RAD51B: variants seen among roughly 807,000 people sequenced by gnomAD.
RAD51B encodes the protein DNA repair protein RAD51 homolog 2.
A neutral mutation model predicts 42.2 loss-of-function variants in RAD51B; 38 were observed. The observed-to-expected ratio is 0.90, with a 90% CI of 0.70 to 1.18. The LOEUF is 1.18. Ranked by LOEUF, RAD51B falls within the 50% of genes most tolerant of loss-of-function variation. RAD51B has a pLI of 0.00. For synonymous variants in RAD51B, 154 were observed against 145.2 expected (o/e 1.06, Z -0.43); for missense variants, 373 against 400.7 (o/e 0.93, Z 0.59).
At chr14:68,160,420 T>C (rs1299963524) in intron 7 of RAD51B, among the ~76,000 whole-genome samples, 2 of 152,204 alleles carry the variant, frequency 1.3e-5, no homozygotes, top group East Asian at 3.8e-4. Flanking sequence ...GTCAGGTCTT[T>C]GATGCTATTT....
chr14:67,965,493 A>T (rs776819179), intron 7 of RAD51B, among the ~76,000 whole-genome samples: 14 of 152,140 alleles, frequency 9.2e-5, no homozygotes, highest in Non-Finnish European at 1.8e-4. Flanking sequence ...TTCTAATCAT[A>T]TCACTCTCTG....
At chr14:68,231,715 G>C (rs1231713020) in intron 7 of RAD51B, among the ~76,000 whole-genome samples, 1 of 152,206 alleles carries the variant, frequency 6.6e-6, no homozygotes, top group Non-Finnish European at 1.5e-5. Context: ...AATGAATGGA[G>C]AAGGACTTGG....
chr14:67,949,782 A>G (rs2074408878), intron 7 of RAD51B, among the ~76,000 whole-genome samples: 1 of 152,186 alleles, frequency 6.6e-6, no homozygotes, highest in Admixed American at 6.5e-5. Context: ...TCCTTGATCC[A>G]TGGGCTGCAG....
At chr14:68,463,791 CTTGT>C (rs1490445985) in intron 9 of RAD51B, among the ~76,000 whole-genome samples, 1 of 152,176 alleles carries the variant, frequency 6.6e-6, no homozygotes, top group Admixed American at 6.5e-5. Context: ...TAACCACCTT[CTTGT>C]TTGTCATTTT....
intron 8 of RAD51B, among the ~76,000 whole-genome samples, chr14:68,333,478 T>C (rs927644082): frequency 1.3e-5 from 2 of 152,218 alleles, no homozygotes; most frequent in African/African-American, 4.8e-5. Flanking sequence ...AAGAACTATC[T>C]GGCAGCCTCT....
chr14:68,562,658 G>C, intron 10 of RAD51B: 1 of 985,438 alleles, frequency 1.0e-6, no homozygotes, highest in Non-Finnish European at 1.2e-6. Context: ...AAGCAAATGA[G>C]AGTTGCTATA....
intron 8 of RAD51B, among the ~76,000 whole-genome samples, chr14:68,380,536 A>T (rs2083459304): frequency 6.6e-6 from 1 of 152,220 alleles, no homozygotes; most frequent in Non-Finnish European, 1.5e-5. Flanking sequence ...GTATTTAATC[A>T]TATTATAATT....
Position 68,009,959 on chromosome 14 carries a change from T to A in RAD51B, c.756+122755T>A, listed in dbSNP as rs908449228. Among the ~76,000 whole-genome samples the A allele has an allele frequency of 5.9e-5, 9 of 152,034 alleles. 1 individual carries two copies. The South Asian group carries it at 1.0e-3, about 17-fold the overall frequency. On this transcript the variant is annotated intron_variant, in intron 7 of 10. Transcript: ENST00000471583. ...AGGCTCCTTCAACCTATTCATTTGT[T>A]TCTATGCTTATTTCCACTTCTTTTT...
intron 7 of RAD51B, among the ~76,000 whole-genome samples, chr14:68,025,146 T>C (rs1415635951): frequency 6.6e-6 from 1 of 152,170 alleles, no homozygotes; most frequent in Non-Finnish European, 1.5e-5. Context: ...TGAATCACAT[T>C]GATTGATTTG....
At chr14:68,449,954 G>A (rs191359441) in intron 9 of RAD51B, among the ~76,000 whole-genome samples, 1 of 152,154 alleles carries the variant, frequency 6.6e-6, no homozygotes, top group Non-Finnish European at 1.5e-5. Flanking sequence ...ATAGTAATTA[G>A]GCAGAGCTCT....
At chr14:68,221,340 G>C (rs553741396) in intron 7 of RAD51B, among the ~76,000 whole-genome samples, 5 of 152,036 alleles carry the variant, frequency 3.3e-5, no homozygotes, top group Non-Finnish European at 7.4e-5. Flanking sequence ...TATAAAAATA[G>C]ACACATAGAC....
intron 7 of RAD51B, among the ~76,000 whole-genome samples, chr14:67,994,069 G>A (rs1011943071): frequency 1.3e-5 from 2 of 151,910 alleles, no homozygotes; most frequent in African/African-American, 4.8e-5. Context: ...TGAATGCTGA[G>A]GTAGAATTTG....
In RAD51B at chr14:67,873,040, A is replaced by G. The variant is rs2042596361; in HGVS notation, c.452+7901A>G. 2.0e-5 allele frequency among the ~76,000 whole-genome samples: 3 copies of G among 152,246 alleles called. No individual in the cohort carries two copies. In the South Asian group the frequency reaches 6.2e-4, roughly 31 times the overall value. On this transcript the variant is annotated intron_variant, in intron 5 of 10. Coordinates refer to ENST00000471583, the MANE Select transcript of RAD51B (RefSeq NM_133510.4). ...GGACATAGGCATGGGCAAGGACTTC[A>G]TGTCTAAAACACTTAAAGCAATGGC...
chr14:67,996,409 CAAT>C (rs1251041237), intron 7 of RAD51B, among the ~76,000 whole-genome samples: 1 of 140,490 alleles, frequency 7.1e-6, no homozygotes, highest in South Asian at 2.3e-4. Flanking sequence ...AAAATAACAA[CAAT>C]AATAAATAAA....
At chr14:68,235,176 C>G (rs907644040) in intron 7 of RAD51B, among the ~76,000 whole-genome samples, 4 of 151,876 alleles carry the variant, frequency 2.6e-5, no homozygotes, top group African/African-American at 9.7e-5. Flanking sequence ...ATATGACTAA[C>G]AATACAGTAG....
intron 10 of RAD51B, among the ~76,000 whole-genome samples, chr14:68,636,230 A>T (rs1054350590): frequency 5.9e-5 from 9 of 152,194 alleles, no homozygotes; most frequent in Non-Finnish European, 1.3e-4. Flanking sequence ...TCCAGAGAAC[A>T]GGAGACACAA....
At chr14:68,463,845 C>G (rs1350253271) in intron 9 of RAD51B, among the ~76,000 whole-genome samples, 2 of 152,184 alleles carry the variant, frequency 1.3e-5, no homozygotes, top group Non-Finnish European at 2.9e-5. Flanking sequence ...CACATTGCAT[C>G]AGGCATGGTT....
intron 7 of RAD51B, among the ~76,000 whole-genome samples, chr14:68,013,050 G>A (rs2075712070): frequency 6.6e-6 from 1 of 152,116 alleles, no homozygotes; most frequent in Admixed American, 6.6e-5. Context: ...ATTCGGACAG[G>A]GCACAGCAGG....
rs142877624 is a variant in RAD51B at position 68,034,376 on chromosome 14, A to G, written c.756+147172A>G. 7.9e-5 allele frequency among the ~76,000 whole-genome samples: 12 copies of G among 151,984 alleles called. No individual in the cohort carries two copies. The East Asian group carries it at 2.1e-3, about 27-fold the overall frequency. On this transcript the variant is annotated intron_variant, in intron 7 of 10. Coordinates refer to ENST00000471583, the MANE Select transcript of RAD51B (RefSeq NM_133510.4). ...AGCCTCTACCTCCTGGGCTCAAGCA[A>G]TCCTCCTACTTCAGGCTCCTGAGTA...
Sources: allele counts gnomAD v4.1 joint callset (sites outside exome capture counted in the v4.1 genomes callset), GRCh38; gene constraint gnomAD v4.1.1; transcripts MANE v1.5; gene names NCBI Gene and HGNC (gene_info 2026-07-23, HGNC 2026-07-21).